The following FBXO11 variants were observed in gnomAD, a reference collection of about 807,000 sequenced individuals.
The protein encoded by FBXO11 is F-box only protein 11.
A neutral mutation model predicts 117.0 loss-of-function variants in FBXO11; 13 were observed. The observed-to-expected ratio is 0.11, with a 90% confidence interval of 0.07 to 0.18. The LOEUF (loss-of-function observed/expected upper bound fraction) is 0.18, where lower values mean the gene tolerates loss of function less well. FBXO11 is among the 10% of genes least tolerant of loss of function. The pLI is 1.00. For missense variants in FBXO11, 767 were observed against 1,164.4 expected (o/e 0.66, Z 4.97); for synonymous variants, 490 against 380.5 (o/e 1.29, Z -3.35).
At chr2:47,825,109 A>G (rs1341575484) in intron 11 of FBXO11, among the ~76,000 whole-genome samples, 3 of 152,154 alleles carry the variant, frequency 2.0e-5, no homozygotes, top group Non-Finnish European at 4.4e-5. Context: ...TGCCAAATTT[A>G]GTAGAGGTTA....
intron 1 of FBXO11, among the ~76,000 whole-genome samples, chr2:47,845,188 A>G (rs573646974): frequency 5.5e-5 from 8 of 144,376 alleles, no homozygotes; most frequent in Admixed American, 5.3e-4. Flanking sequence ...CCAAAGACAC[A>G]GCAAATAGTA....
intron 11 of FBXO11, among the ~76,000 whole-genome samples, chr2:47,824,763 T>C (rs77247241): frequency 2.0e-5 from 3 of 152,198 alleles, no homozygotes; most frequent in African/African-American, 7.2e-5. Flanking sequence ...TCTTCATACT[T>C]TGAATTTCTT....
intron 1 of FBXO11, among the ~76,000 whole-genome samples, chr2:47,890,569 C>A (rs1004890822): frequency 6.6e-6 from 1 of 152,020 alleles, no homozygotes; most frequent in Non-Finnish European, 1.5e-5. Context: ...CTCAGGAGGC[C>A]GAGGTGGGTG....
chr2:47,901,072 TAC>T (rs202135606), intron 1 of FBXO11, among the ~76,000 whole-genome samples: 16 of 132,202 alleles, frequency 1.2e-4, no homozygotes, highest in South Asian at 2.4e-4. Context: ...TGTATATATA[TAC>T]ACACGTGTGT....
intron 1 of FBXO11, among the ~76,000 whole-genome samples, chr2:47,868,396 G>C (rs1675361412): frequency 6.6e-6 from 1 of 151,842 alleles, no homozygotes; most frequent in Non-Finnish European, 1.5e-5. Flanking sequence ...GCCACAGTGT[G>C]GGCCTTTTAA....
chr2:47,879,628 G>C (rs924945500), intron 1 of FBXO11, among the ~76,000 whole-genome samples: 1 of 152,162 alleles, frequency 6.6e-6, no homozygotes, highest in African/African-American at 2.4e-5. Context: ...AGTACTTACT[G>C]CATGTATATC....
chr2:47,830,380 A>G (rs1022490080), intron 11 of FBXO11, among the ~76,000 whole-genome samples: 1 of 152,208 alleles, frequency 6.6e-6, no homozygotes, highest in Non-Finnish European at 1.5e-5. Flanking sequence ...GCGTTCTTTA[A>G]AAAAAACAAA....
chr2:47,871,879 T>C (rs1675651019), intron 1 of FBXO11, among the ~76,000 whole-genome samples: 2 of 152,238 alleles, frequency 1.3e-5, no homozygotes, highest in Admixed American at 6.5e-5. Context: ...CTTTTCCCAA[T>C]ACTGGGGATA....
chr2:47,826,417 C>T (rs898463583), intron 11 of FBXO11, among the ~76,000 whole-genome samples: 3 of 152,120 alleles, frequency 2.0e-5, no homozygotes, highest in Admixed American at 6.6e-5. Flanking sequence ...ATCCAGAGGG[C>T]CCCACTTTTA....
chr2:47,897,459 G>A (rs934651536), intron 1 of FBXO11, among the ~76,000 whole-genome samples: 1 of 152,210 alleles, frequency 6.6e-6, no homozygotes, highest in Admixed American at 6.5e-5. Flanking sequence ...CATTTTGGGA[G>A]GCTTAGGCGG....
At chr2:47,890,920 T>C (rs1358661081) in intron 1 of FBXO11, among the ~76,000 whole-genome samples, 1 of 152,092 alleles carries the variant, frequency 6.6e-6, no homozygotes. Context: ...AGAGCTTAAG[T>C]GATCCTCCCA....
At chr2:47,878,316 A>T (rs931642102) in intron 1 of FBXO11, among the ~76,000 whole-genome samples, 4 of 151,754 alleles carry the variant, frequency 2.6e-5, no homozygotes, top group Non-Finnish European at 4.4e-5. Context: ...ATTTTGATAG[A>T]TTCATGTATT....
chr2:47,888,288 C>G (rs1414988905), intron 1 of FBXO11, among the ~76,000 whole-genome samples: 1 of 152,182 alleles, frequency 6.6e-6, no homozygotes, highest in Admixed American at 6.5e-5. Flanking sequence ...GACTGGGAAT[C>G]TGGAGACTTG....
chr2:47,881,895 G>T (rs916118771), intron 1 of FBXO11, among the ~76,000 whole-genome samples: 1 of 152,122 alleles, frequency 6.6e-6, no homozygotes, highest in East Asian at 1.9e-4. Flanking sequence ...CTACAGGTGT[G>T]CACCACCATG....
At chr2:47,843,569 A>G (rs1255324979) in intron 1 of FBXO11, among the ~76,000 whole-genome samples, 1 of 151,958 alleles carries the variant, frequency 6.6e-6, no homozygotes, top group Non-Finnish European at 1.5e-5. Context: ...TTTCTTCATC[A>G]TCTTCATTAT....
intron 1 of FBXO11, among the ~76,000 whole-genome samples, chr2:47,867,333 T>G (rs1488173012): frequency 1.3e-5 from 2 of 152,180 alleles, no homozygotes; most frequent in Non-Finnish European, 2.9e-5. Flanking sequence ...AGCTATTCTT[T>G]TGAAACACTG....
Position 47,820,346 on chromosome 2 carries a change from A to G in FBXO11, c.1797+16T>C. 1 of 1,603,004 alleles carries G rather than the reference A, an allele frequency of 6.2e-7. No individual in the cohort carries two copies. Among genetic ancestry groups the G allele is most frequent in the Non-Finnish European group, 8.5e-7 (1 of 1,170,892 alleles). On this transcript the variant is annotated intron_variant, in intron 14 of 22. Transcript: ENST00000403359. Reference sequence around the variant, plus strand: ...TTGATGCATGAGTTTATAGGGAACTATATACATTAACTTACCACATAAATC... The same window carrying G: ...TTGATGCATGAGTTTATAGGGAACTGTATACATTAACTTACCACATAAATC...
chr2:47,815,107 C>T, intron 16 of FBXO11, among the ~76,000 whole-genome samples: 1 of 152,184 alleles, frequency 6.6e-6, no homozygotes. Flanking sequence ...CTAAAGTCAT[C>T]CATGAGGGTT....
intron 1 of FBXO11, among the ~76,000 whole-genome samples, chr2:47,840,772 CTGGG>C (rs1672955217): frequency 6.6e-6 from 1 of 151,356 alleles, no homozygotes; most frequent in Non-Finnish European, 1.5e-5. Flanking sequence ...GCACTCCAGC[CTGGG>C]TGACAGAGCA....
Sources: allele counts gnomAD v4.1 joint callset (sites outside exome capture counted in the v4.1 genomes callset), GRCh38; gene constraint gnomAD v4.1.1; transcripts MANE v1.5; gene names NCBI Gene and HGNC (gene_info 2026-07-23, HGNC 2026-07-21).